SORCS1: variants seen among roughly 807,000 people sequenced by gnomAD.
SORCS1 encodes VPS10 domain-containing receptor SorCS1.
Under a neutral mutation model 146.1 loss-of-function variants are expected in SORCS1, and 60 were observed. That is an observed-to-expected ratio of 0.41 (90% CI 0.33 to 0.51). The LOEUF (loss-of-function observed/expected upper bound fraction) is 0.51. Among genes scored for constraint, SORCS1 ranks in the 20% least tolerant of loss-of-function variants. SORCS1 has a pLI of 0.21. For missense variants in SORCS1, 1,352 were observed against 1,487.6 expected (o/e 0.91, Z 1.50); for synonymous variants, 637 against 584.0 (o/e 1.09, Z -1.31).
At chr10:107,010,212 T>C (rs12766501) in intron 1 of SORCS1, among the ~76,000 whole-genome samples, 2,806 of 152,338 alleles carry the variant, frequency 0.018, 44 homozygotes, top group Middle Eastern at 0.041. Context: ...TTAAATGAAA[T>C]GCTGTTTTAA....
intron 1 of SORCS1, among the ~76,000 whole-genome samples, chr10:107,014,267 A>AG (rs1205580046): frequency 7.1e-6 from 1 of 140,812 alleles, no homozygotes; most frequent in Non-Finnish European, 1.5e-5. Flanking sequence ...AAAAAAAAAA[A>AG]AAAAAGAAAA....
chr10:106,842,749 G>T (rs530170784), intron 2 of SORCS1, among the ~76,000 whole-genome samples: 1 of 151,880 alleles, frequency 6.6e-6, no homozygotes, highest in Non-Finnish European at 1.5e-5. Context: ...GAGTAGCTGG[G>T]ATTGCAGGCA....
intron 2 of SORCS1, among the ~76,000 whole-genome samples, chr10:106,917,565 C>T (rs555770605): frequency 1.3e-5 from 2 of 152,138 alleles, no homozygotes; most frequent in South Asian, 2.1e-4. Context: ...GTACATGCCC[C>T]GTGTACTACA....
At chr10:106,950,654 T>A (rs1392300905) in intron 2 of SORCS1, among the ~76,000 whole-genome samples, 1 of 151,912 alleles carries the variant, frequency 6.6e-6, no homozygotes, top group Admixed American at 6.6e-5. Context: ...TATAATAATA[T>A]ACACATATAT....
intron 3 of SORCS1, among the ~76,000 whole-genome samples, chr10:106,826,652 T>G (rs1363533401): frequency 2.6e-5 from 4 of 152,228 alleles, no homozygotes; most frequent in Non-Finnish European, 4.4e-5. Context: ...TACTGCGATG[T>G]CAACTTTATT....
intron 1 of SORCS1, among the ~76,000 whole-genome samples, chr10:107,015,003 G>A (rs1034900645): frequency 6.6e-6 from 1 of 152,158 alleles, no homozygotes; most frequent in Non-Finnish European, 1.5e-5. Context: ...CATGCTTAGG[G>A]TCAGGATGAA....
At chr10:106,698,082 T>C (rs1853843833) in intron 9 of SORCS1, among the ~76,000 whole-genome samples, 1 of 152,218 alleles carries the variant, frequency 6.6e-6, no homozygotes, top group Non-Finnish European at 1.5e-5. Flanking sequence ...CTATTACAAA[T>C]ACCTGGGCTC....
At chr10:106,610,986 G>T (rs989205754) in intron 22 of SORCS1, among the ~76,000 whole-genome samples, 1 of 152,170 alleles carries the variant, frequency 6.6e-6, no homozygotes, top group South Asian at 2.1e-4. Flanking sequence ...AGGCTAAGGT[G>T]GGAGAATCGC....
chr10:106,984,982 G>A (rs1956403071), intron 1 of SORCS1, among the ~76,000 whole-genome samples: 1 of 152,038 alleles, frequency 6.6e-6, no homozygotes, highest in Non-Finnish European at 1.5e-5. Flanking sequence ...GAGGTCAGAA[G>A]TTCCACATCA....
Position 106,956,563 on chromosome 10 carries a change from T to A in SORCS1, c.576A>T (p.Thr192=). The A allele has an allele frequency of 6.2e-7, 1 of 1,614,166 alleles. No homozygotes were observed. Among genetic ancestry groups the A allele is most frequent in the Non-Finnish European group, 8.5e-7 (1 of 1,180,014 alleles). ...TCCCCAGGTTATAGTCATAGAGCTT[T>A]GTCAAAATGAGAATCACCTGAAGGC... is the stretch of plus-strand genomic sequence containing the variant. ...GHNSSVILIL[T]KLYDYNLGSI... Residue 192 remains threonine (T), a synonymous_variant, in exon 2 of 26, where the codon ACA becomes ACT. Transcript: ENST00000263054.
At chr10:106,822,458 G>A (rs1285185086) in intron 3 of SORCS1, among the ~76,000 whole-genome samples, 2 of 152,146 alleles carry the variant, frequency 1.3e-5, no homozygotes, top group East Asian at 1.9e-4. Context: ...GTTTCAAAGA[G>A]AGCATTCTGC....
intron 23 of SORCS1, among the ~76,000 whole-genome samples, chr10:106,599,367 C>CAAAAAAA (rs531734833): frequency 4.0e-4 from 47 of 116,650 alleles, no homozygotes; most frequent in African/African-American, 1.5e-3. Flanking sequence ...AACTCTAATT[C>CAAAAAAA]AAAAAAAAAA....
intron 17 of SORCS1, among the ~76,000 whole-genome samples, chr10:106,662,296 C>T (rs1564830885): frequency 6.6e-6 from 1 of 152,014 alleles, no homozygotes; most frequent in Non-Finnish European, 1.5e-5. Flanking sequence ...TAACCATAGA[C>T]ATTTATAAAG....
chr10:106,975,205 A>C (rs1955941801), intron 1 of SORCS1, among the ~76,000 whole-genome samples: 1 of 152,138 alleles, frequency 6.6e-6, no homozygotes, highest in African/African-American at 2.4e-5. Context: ...AAATTTCCCA[A>C]CCTTACCTTA....
intron 19 of SORCS1, among the ~76,000 whole-genome samples, chr10:106,622,796 A>G (rs901984168): frequency 6.6e-6 from 1 of 152,202 alleles, no homozygotes; most frequent in African/African-American, 2.4e-5. Flanking sequence ...AAGTAACGTG[A>G]CTTTCCCCAG....
At position 106,942,259 on chromosome 10, in the gene SORCS1, G is replaced by C. The variant is rs867509898; in HGVS notation, c.626+14254C>G. Reference sequence around the variant, plus strand: ...TCAGGCTCTTAAATATGAATGGATCGAAGGTCCTACTGTTTCACTGTTTGT... The same window carrying C: ...TCAGGCTCTTAAATATGAATGGATCCAAGGTCCTACTGTTTCACTGTTTGT... On this transcript the variant is annotated intron_variant, in intron 2 of 25. Transcript: ENST00000263054. 2.0e-5 allele frequency among the ~76,000 whole-genome samples: 3 copies of C among 152,102 alleles called. No homozygotes were observed. The East Asian group carries it at 5.8e-4, about 29-fold the overall frequency.
At chr10:107,007,377 C>T (rs1292834888) in intron 1 of SORCS1, among the ~76,000 whole-genome samples, 2 of 152,176 alleles carry the variant, frequency 1.3e-5, no homozygotes, top group Non-Finnish European at 2.9e-5. Flanking sequence ...TGCCTTAAAA[C>T]CGAGCTGCCA....
intron 16 of SORCS1, among the ~76,000 whole-genome samples, chr10:106,668,797 T>C (rs1296067629): frequency 6.6e-6 from 1 of 152,108 alleles, no homozygotes; most frequent in Non-Finnish European, 1.5e-5. Flanking sequence ...ACAACCAGTG[T>C]TTGCTTCAGG....
chr10:107,054,640 G>A (rs1960426590), intron 1 of SORCS1, among the ~76,000 whole-genome samples: 1 of 152,160 alleles, frequency 6.6e-6, no homozygotes, highest in Admixed American at 6.5e-5. Flanking sequence ...TGACAGTCTG[G>A]GGCAGGCAGT....
Sources: allele counts gnomAD v4.1 joint callset (sites outside exome capture counted in the v4.1 genomes callset), GRCh38; gene constraint gnomAD v4.1.1; transcripts MANE v1.5; gene names NCBI Gene and HGNC (gene_info 2026-07-23, HGNC 2026-07-21).